Variants in ABCC8 observed in about 807,000 individuals in gnomAD.
ABCC8 encodes ATP binding cassette subfamily C member 8.
In ABCC8, 137 loss-of-function variants were observed where a neutral mutation model predicts 188.0. The ratio of observed to expected loss-of-function variants is 0.73; its 90% CI spans 0.63 to 0.84. The LOEUF is 0.84. Among genes scored for constraint, ABCC8 ranks in the 40% least tolerant of loss-of-function variants. ABCC8 has a pLI of 0.00. For synonymous variants in ABCC8, 797 were observed against 846.5 expected (o/e 0.94, Z 1.01); for missense variants, 1,750 against 2,072.7 (o/e 0.84, Z 3.02).
At chr11:17,437,290 C>T (rs1956143158) in intron 10 of ABCC8, among the ~76,000 whole-genome samples, 1 of 152,164 alleles carries the variant, frequency 6.6e-6, no homozygotes, top group South Asian at 2.1e-4. Flanking sequence ...GGGATCAGAT[C>T]ACCCACTCCC....
chr11:17,417,094 G>T, intron 16 of ABCC8, 132 bp from the exon 17 acceptor site: 1 of 1,551,282 alleles, frequency 6.4e-7, no homozygotes, highest in Non-Finnish European at 8.7e-7. Flanking sequence ...TTTCCAAATG[G>T]CCTCTGTGGG....
chr11:17,435,572 A>G, intron 10 of ABCC8: 1 of 1,350,460 alleles, frequency 7.4e-7, no homozygotes, highest in Non-Finnish European at 1.1e-6. Flanking sequence ...GATTTAAACA[A>G]ATAAGGAGAA....
intron 38 of ABCC8, 43 bp from the exon 39 acceptor site, chr11:17,393,171 C>T (rs1564869945): frequency 6.2e-7 from 1 of 1,610,160 alleles, no homozygotes; most frequent in Non-Finnish European, 8.5e-7. Flanking sequence ...GTGGGAATAC[C>T]ACCCGCGGTG....
At chr11:17,440,408 G>C (rs539236897) in intron 10 of ABCC8, among the ~76,000 whole-genome samples, 1 of 152,328 alleles carries the variant, frequency 6.6e-6, no homozygotes, top group East Asian at 1.9e-4. Context: ...GAAGGTTGAA[G>C]TGGGCCTGGG....
intron 7 of ABCC8, among the ~76,000 whole-genome samples, chr11:17,451,109 A>C (rs1403200840): frequency 1.3e-5 from 2 of 152,240 alleles, no homozygotes; most frequent in African/African-American, 4.8e-5. Flanking sequence ...AACCATTAAA[A>C]AACCATTTTT....
At chr11:17,415,821 C>T (rs1226578813) in intron 17 of ABCC8, among the ~76,000 whole-genome samples, 1 of 152,198 alleles carries the variant, frequency 6.6e-6, no homozygotes, top group African/African-American at 2.4e-5. Context: ...GAACCCGCAG[C>T]CCTGGAGCTG....
intron 21 of ABCC8, among the ~76,000 whole-genome samples, chr11:17,411,194 C>T (rs1954788910): frequency 6.6e-6 from 1 of 152,210 alleles, no homozygotes; most frequent in African/African-American, 2.4e-5. Flanking sequence ...CCTCCCTATT[C>T]CCGTGACACT....
intron 9 of ABCC8, 92 bp downstream of exon 9, chr11:17,443,086 T>C (rs948870580): frequency 6.5e-7 from 1 of 1,539,016 alleles, no homozygotes; most frequent in Admixed American, 1.7e-5. Flanking sequence ...AAAGTCAAAG[T>C]CAATGACAGT....
At chr11:17,459,503 G>T in intron 6 of ABCC8, among the ~76,000 whole-genome samples, 1 of 152,278 alleles carries the variant, frequency 6.6e-6, no homozygotes, top group East Asian at 1.9e-4. Context: ...ACCTCCTGAG[G>T]ATTAACTGCT....
chr11:17,418,497 A>G (rs949069270), intron 16 of ABCC8, among the ~76,000 whole-genome samples: 1 of 152,208 alleles, frequency 6.6e-6, no homozygotes, highest in Non-Finnish European at 1.5e-5. Context: ...TGTAATTTAC[A>G]ATTTATAGAC....
At chr11:17,408,215 G>A (rs573266202) in intron 23 of ABCC8, 177 bp downstream of exon 23, 2 of 607,454 alleles carry the variant, frequency 3.3e-6, no homozygotes, top group African/African-American at 3.7e-5. Flanking sequence ...TCTGCCCTGG[G>A]CACCTGGCAC....
intron 10 of ABCC8, among the ~76,000 whole-genome samples, chr11:17,437,322 T>C (rs12422005): frequency 0.058 from 8,774 of 152,184 alleles, 343 homozygotes; most frequent in African/African-American, 0.1. Flanking sequence ...CCAAGGAATG[T>C]TTTCTGGCCC....
At chr11:17,396,185 G>T in intron 33 of ABCC8, 1 of 776,828 alleles carries the variant, frequency 1.3e-6, no homozygotes, top group Admixed American at 2.9e-5. Flanking sequence ...TGTGGGTCTG[G>T]GTGTGCCGGG....
In ABCC8 at chr11:17,428,360, G is replaced by A. The variant is rs778117119; in HGVS notation, c.1969C>T (p.Arg657Trp). 4.5e-5 allele frequency: 73 copies of A among 1,614,010 alleles called. No individual in the cohort carries two copies. The highest frequency in any genetic ancestry group is 3.3e-4 in the Middle Eastern group (2 of 6,084). Residue 657 changes from arginine (R) to tryptophan (W), a missense_variant, in exon 14 of 39, where the codon CGG (arginine) becomes TGG (tryptophan). Physicochemically the swap from Arg to Trp is moderately radical, Grantham distance 101 (BLOSUM62 -3). Coordinates refer to ENST00000389817, the MANE Select transcript of ABCC8 (RefSeq NM_000352.6). ...CTCTGCAGTGGGCCGGTGAGGCCCC[G>A]ACAATCCTCCCGGGCTGGACGCTTG... is the stretch of plus-strand genomic sequence containing the variant. Reference protein sequence around the residue: ...NRKRPAREDCRGLTGPLQSLV... With the variant: ...NRKRPAREDCWGLTGPLQSLV...
chr11:17,436,192 G>A (rs1279777431), intron 10 of ABCC8: 12 of 708,614 alleles, frequency 1.7e-5, no homozygotes, highest in Non-Finnish European at 2.8e-5. Context: ...CTTGGGTTCT[G>A]GTCTGGATGG....
intron 8 of ABCC8, among the ~76,000 whole-genome samples, chr11:17,447,743 T>C (rs1450644520): frequency 2.0e-5 from 3 of 152,184 alleles, no homozygotes; most frequent in Non-Finnish European, 2.9e-5. Context: ...GGGGCTATAG[T>C]TGTGAGCCAC....
At chr11:17,401,294 T>C (rs1417035280) in intron 29 of ABCC8, among the ~76,000 whole-genome samples, 3 of 152,228 alleles carry the variant, frequency 2.0e-5, no homozygotes, top group African/African-American at 7.2e-5. Flanking sequence ...AGAGTCATAA[T>C]CCAGTCCCCA....
chr11:17,444,370 T>G (rs1956441890), intron 8 of ABCC8: 1 of 152,230 alleles, frequency 6.6e-6, no homozygotes, highest in South Asian at 2.1e-4. Flanking sequence ...ATGGAGGCCA[T>G]CAGGGTGTTC....
At chr11:17,393,655 G>T (rs1423989171) in intron 38 of ABCC8, 42 bp downstream of exon 38, 1 of 1,613,730 alleles carries the variant, frequency 6.2e-7, no homozygotes, top group Admixed American at 1.7e-5. Flanking sequence ...GGCCAGTCCT[G>T]TCCCTGGGTG....
Sources: gnomAD v4.1 joint callset for allele counts (sites outside exome capture counted in the v4.1 genomes callset) on GRCh38, gnomAD v4.1.1 for gene constraint, MANE v1.5 for transcripts, NCBI Gene and HGNC (gene_info 2026-07-23, HGNC 2026-07-21) for gene names.